TNS3: variants seen among roughly 807,000 people sequenced by gnomAD.
The protein encoded by TNS3 is tensin 3.
A neutral mutation model predicts 140.9 loss-of-function variants in TNS3; 45 were observed. The ratio of observed to expected loss-of-function variants is 0.32; its 90% CI spans 0.25 to 0.41. TNS3 has a LOEUF of 0.41. TNS3 is among the 10% of genes least tolerant of loss of function. TNS3 has a pLI of 1.00. For synonymous variants in TNS3, 815 were observed against 788.4 expected (o/e 1.03, Z -0.56); for missense variants, 1,716 against 1,906.7 (o/e 0.90, Z 1.86).
chr7:47,414,989 G>T, intron 11 of TNS3, 105 bp downstream of exon 11: 2 of 790,448 alleles, frequency 2.5e-6, no homozygotes, highest in Non-Finnish European at 4.1e-6. Flanking sequence ...CAGATCCTGG[G>T]CCCTCTCGGA....
rs1188448733 is a variant in TNS3 at position 47,283,620 on chromosome 7, T to A, written c.4097+77A>T. The stretch of plus-strand genomic sequence containing the variant: ...GCTAATGATTTACCTGGATGACTAC[T>A]CACACTAGGGAAGAACAAGAGGAAC... On this transcript the variant is annotated intron_variant, in intron 28 of 30. Coordinates refer to ENST00000311160, the MANE Select transcript of TNS3 (RefSeq NM_022748.12). 3.7e-6 allele frequency: 5 copies of A among 1,351,724 alleles called. No homozygotes were observed. The Admixed American group carries it at 8.3e-5, about 22-fold the overall frequency. The allele number at this position is 1,351,724 out of a possible 1,614,324, so 83.7% of individuals were successfully genotyped here. A position where few individuals can be genotyped will look rare whatever the true frequency, so the allele number is the denominator to read the frequency against.
At chr7:47,476,128 T>C (rs1797185764) in intron 4 of TNS3, among the ~76,000 whole-genome samples, 1 of 152,222 alleles carries the variant, frequency 6.6e-6, no homozygotes, top group South Asian at 2.1e-4. Context: ...ACACTAGCAC[T>C]GAGGATCTAA....
At chr7:47,370,279 C>CA (rs377017060) in intron 16 of TNS3, among the ~76,000 whole-genome samples, 3,955 of 142,920 alleles carry the variant, frequency 0.028, 151 homozygotes, top group African/African-American at 0.096. Context: ...GACTCCGTCT[C>CA]AAAAAAAAAA....
At chr7:47,327,263 G>GGTTTTT (rs917305884) in intron 20 of TNS3, among the ~76,000 whole-genome samples, 1 of 152,214 alleles carries the variant, frequency 6.6e-6, no homozygotes, top group African/African-American at 2.4e-5. Context: ...TGAATGCATG[G>GGTTTTT]GTTTTTGTTT....
intron 20 of TNS3, among the ~76,000 whole-genome samples, chr7:47,321,039 T>G (rs1787706557): frequency 6.6e-6 from 1 of 152,208 alleles, no homozygotes; most frequent in South Asian, 2.1e-4. Context: ...ATGTGTCCCT[T>G]CTGACTCTTG....
intron 8 of TNS3, among the ~76,000 whole-genome samples, chr7:47,432,847 C>T (rs964193836): frequency 5.9e-5 from 9 of 152,166 alleles, no homozygotes; most frequent in Non-Finnish European, 1.3e-4. Context: ...CAAGAGGGCA[C>T]GATAGGCTCA....
intron 13 of TNS3, 103 bp from the exon 14 acceptor site, chr7:47,401,017 C>T: frequency 2.0e-6 from 3 of 1,513,452 alleles, no homozygotes; most frequent in Non-Finnish European, 2.7e-6. Context: ...GGCCTCCCCT[C>T]TGGACTCTGG....
rs561224396 is a variant in TNS3, at chr7:47,488,923, C to T, written c.-114-7782G>A. On this transcript the variant is annotated intron_variant, in intron 3 of 30. Coordinates refer to ENST00000311160, the MANE Select transcript of TNS3 (RefSeq NM_022748.12). ...GAGAGGCCCAGGGTCAGATTTTCAA[C>T]ACAAGCCTGCAAACAACAGCAGATC... 3.9e-5 allele frequency among the ~76,000 whole-genome samples: 6 copies of T among 152,338 alleles called. No individual in the cohort carries two copies. The South Asian group carries it at 1.2e-3, about 32-fold the overall frequency.
At chr7:47,307,027 T>C (rs1786797818) in intron 20 of TNS3, among the ~76,000 whole-genome samples, 1 of 152,240 alleles carries the variant, frequency 6.6e-6, no homozygotes, top group Non-Finnish European at 1.5e-5. Flanking sequence ...CACACCTTTA[T>C]ATATTGAGGT....
chr7:47,302,356 A>C (rs1786456769), intron 22 of TNS3, 84 bp from the exon 23 acceptor site: 1 of 1,154,376 alleles, frequency 8.7e-7, no homozygotes, highest in Non-Finnish European at 1.3e-6. Context: ...CCAGAAGTCC[A>C]AATCCCATGC....
chr7:47,527,692 C>T (rs1180860383), intron 2 of TNS3, among the ~76,000 whole-genome samples: 1 of 152,184 alleles, frequency 6.6e-6, no homozygotes, highest in East Asian at 1.9e-4. Context: ...GCAGGAGAAT[C>T]ACTTGAGGCC....
In TNS3 at chr7:47,292,907, TGCAAA is replaced by T; in HGVS notation, c.3773-7_3773-3del. ...GGCACACCAAGGCCGTCAGGCTCCC[TGCAAA>T]GTGGACAGACAGCAAACAAGAGTCA... On this transcript the variant is annotated splice_region_variant and splice_polypyrimidine_tract_variant and intron_variant, in intron 25 of 30. Coordinates refer to ENST00000311160, the MANE Select transcript of TNS3 (RefSeq NM_022748.12). The T allele has an allele frequency of 5.0e-6, 8 of 1,613,940 alleles. No homozygotes were observed. Among genetic ancestry groups the T allele is most frequent in the African/African-American group, 1.3e-5 (1 of 75,056 alleles).
intron 21 of TNS3, 111 bp from the exon 22 acceptor site, chr7:47,303,695 G>A (rs1398589355): frequency 7.7e-7 from 1 of 1,300,318 alleles, no homozygotes; most frequent in Non-Finnish European, 1.0e-6. Flanking sequence ...GGGTGCTGAG[G>A]CCCTCCAGGC....
intron 1 of TNS3, among the ~76,000 whole-genome samples, chr7:47,552,552 A>G (rs1380820310): frequency 1.3e-5 from 2 of 152,260 alleles, no homozygotes; most frequent in East Asian, 3.9e-4. Flanking sequence ...TTATTATTAT[A>G]TCTTTCATGG....
intron 2 of TNS3, among the ~76,000 whole-genome samples, chr7:47,524,343 G>A (rs983655368): frequency 3.9e-5 from 6 of 152,224 alleles, no homozygotes; most frequent in Non-Finnish European, 8.8e-5. Context: ...GAGTGGCACA[G>A]CCAGAACTTG....
chr7:47,295,403 C>T (rs1391759436), intron 24 of TNS3, among the ~76,000 whole-genome samples: 1 of 152,204 alleles, frequency 6.6e-6, no homozygotes, highest in East Asian at 1.9e-4. Flanking sequence ...TGCAGACTCG[C>T]CAGATGCTCT....
intron 3 of TNS3, among the ~76,000 whole-genome samples, chr7:47,487,000 A>G (rs1317324926): frequency 1.3e-5 from 2 of 152,144 alleles, no homozygotes; most frequent in Admixed American, 1.3e-4. Flanking sequence ...AGAAACATGA[A>G]GTAAGGACTG....
intron 20 of TNS3, among the ~76,000 whole-genome samples, chr7:47,308,931 A>G (rs904298157): frequency 3.9e-5 from 6 of 152,114 alleles, no homozygotes; most frequent in African/African-American, 1.4e-4. Context: ...CAGATCTCCA[A>G]CAGCTCTCTC....
At chr7:47,296,666 A>G (rs568205565) in intron 24 of TNS3, among the ~76,000 whole-genome samples, 2 of 152,330 alleles carry the variant, frequency 1.3e-5, no homozygotes, top group African/African-American at 4.8e-5. Flanking sequence ...AATAGTACTC[A>G]ACAGTATGCT....
Sources: gnomAD v4.1 joint callset for allele counts (sites outside exome capture counted in the v4.1 genomes callset) on GRCh38, gnomAD v4.1.1 for gene constraint, MANE v1.5 for transcripts, NCBI Gene and HGNC (gene_info 2026-07-23, HGNC 2026-07-21) for gene names.